KCNN2: variants seen among roughly 807,000 people sequenced by gnomAD.
KCNN2 encodes small conductance calcium-activated potassium channel protein 2.
A neutral mutation model predicts 55.5 loss-of-function variants in KCNN2; 24 were observed. The observed-to-expected ratio is 0.43, with a 90% CI of 0.31 to 0.61. The LOEUF (loss-of-function observed/expected upper bound fraction) is 0.61, where lower values mean the gene tolerates loss of function less well. KCNN2 is among the 20% of genes least tolerant of loss of function. The pLI, the probability that KCNN2 is intolerant of heterozygous loss-of-function variation, is 0.08. For missense variants in KCNN2, 754 were observed against 853.6 expected (o/e 0.88, Z 1.45); for synonymous variants, 431 against 336.1 (o/e 1.28, Z -3.09).
intron 2 of KCNN2, among the ~76,000 whole-genome samples, chr5:114,339,613 G>A (rs931816096): frequency 4.6e-5 from 7 of 151,804 alleles, no homozygotes; most frequent in African/African-American, 1.5e-4. Flanking sequence ...GACCACCTTG[G>A]GCAACATGGA....
At chr5:114,469,283 CTT>C (rs1254419521) in intron 4 of KCNN2, among the ~76,000 whole-genome samples, 1 of 152,172 alleles carries the variant, frequency 6.6e-6, no homozygotes, top group African/African-American at 2.4e-5. Context: ...CTTTTTCTCT[CTT>C]TCACCATCTT....
intron 5 of KCNN2, among the ~76,000 whole-genome samples, chr5:114,484,186 A>ACAC (rs1207318864): frequency 6.6e-6 from 1 of 152,148 alleles, no homozygotes; most frequent in Non-Finnish European, 1.5e-5. Flanking sequence ...GTAGAGAGAC[A>ACAC]CAAAGATTAG....
At chr5:114,185,845 G>T (rs1439323746) in intron 1 of KCNN2, among the ~76,000 whole-genome samples, 1 of 152,152 alleles carries the variant, frequency 6.6e-6, no homozygotes, top group African/African-American at 2.4e-5. Flanking sequence ...CTCATCAGCT[G>T]GTTTGGTTAA....
At chr5:114,434,285 C>A (rs187660927) in intron 3 of KCNN2, among the ~76,000 whole-genome samples, 173 of 151,896 alleles carry the variant, frequency 1.1e-3, no homozygotes, top group Middle Eastern at 3.4e-3. Context: ...TCAAGACATT[C>A]TTTATTTTTG....
At chr5:114,476,351 G>T (rs1003212688) in intron 5 of KCNN2, among the ~76,000 whole-genome samples, 1 of 151,756 alleles carries the variant, frequency 6.6e-6, no homozygotes, top group Non-Finnish European at 1.5e-5. Flanking sequence ...CTACTTTGCA[G>T]TATTTCTTGA....
Position 114,362,901 on chromosome 5 carries a change from A to C in KCNN2, c.762A>C (p.Gly254=), listed in dbSNP as rs1757480250. The C allele has an allele frequency of 6.3e-7, 1 of 1,593,830 alleles. No individual in the cohort carries two copies. The highest frequency in any genetic ancestry group is 8.5e-7 in the Non-Finnish European group (1 of 1,177,490). ...TGCAGCCCCCCGCGTCTGTCGGAGG[A>C]GGTGGCGGCGCGTCCTCCCCGTCTG... ...QPLQPPASVG[G]GGGASSPSAA... is the part of the protein sequence containing the mutation. Residue 254 remains glycine (G), a synonymous_variant, in exon 1 of 8, where the codon GGA becomes GGC. Transcript: ENST00000673685.
At chr5:114,291,776 A>G (rs973134111) in intron 2 of KCNN2, among the ~76,000 whole-genome samples, 8 of 152,240 alleles carry the variant, frequency 5.3e-5, no homozygotes, top group African/African-American at 1.9e-4. Flanking sequence ...ACCGACTTCC[A>G]TAATGGTTGA....
chr5:114,141,995 A>G (rs1752291152), intron 1 of KCNN2, among the ~76,000 whole-genome samples: 1 of 151,676 alleles, frequency 6.6e-6, no homozygotes, highest in Admixed American at 6.6e-5. Context: ...TTTTTCTTGT[A>G]AGTTTGTTTG....
rs1331603371 is a variant in KCNN2, at chr5:114,163,309, C to T, written c.-270-58171C>T. Among the ~76,000 whole-genome samples, 9 of 152,172 alleles carry T rather than the reference C, an allele frequency of 5.9e-5. No individual in the cohort carries two copies. In the East Asian group the frequency reaches 7.8e-4, roughly 13 times the overall value. Reference sequence around the variant, plus strand: ...ATTTCTCTTGCCTGATTGCCCTGGCCGGAACTTCCAATACTATGTTGAATA... The same window carrying T: ...ATTTCTCTTGCCTGATTGCCCTGGCTGGAACTTCCAATACTATGTTGAATA... On this transcript the variant is annotated intron_variant, in intron 1 of 10. Transcript: ENST00000512097.
At chr5:114,419,044 G>A (rs13181189) in intron 3 of KCNN2, among the ~76,000 whole-genome samples, 32,826 of 152,202 alleles carry the variant, frequency 0.22, 4,104 homozygotes, top group Non-Finnish European at 0.28. Flanking sequence ...TCCAGTTTTA[G>A]TTTGTATTAG....
intron 1 of KCNN2, among the ~76,000 whole-genome samples, chr5:114,212,826 C>A (rs988692487): frequency 4.6e-5 from 7 of 152,000 alleles, no homozygotes; most frequent in African/African-American, 1.4e-4. Flanking sequence ...TAGGTCTTGT[C>A]TTGGCCTAAT....
chr5:114,228,167 C>G (rs371109801), intron 2 of KCNN2, among the ~76,000 whole-genome samples: 3 of 152,040 alleles, frequency 2.0e-5, no homozygotes, highest in African/African-American at 7.2e-5. Flanking sequence ...AAATTTCAGT[C>G]TTGAGATGTC....
intron 2 of KCNN2, among the ~76,000 whole-genome samples, chr5:114,372,454 T>C (rs1757790152): frequency 6.6e-6 from 1 of 152,196 alleles, no homozygotes; most frequent in African/African-American, 2.4e-5. Flanking sequence ...CCACATTTTC[T>C]GTGTTTACTG....
chr5:114,108,887 G>A (rs1751539745), intron 1 of KCNN2, among the ~76,000 whole-genome samples: 1 of 152,072 alleles, frequency 6.6e-6, no homozygotes, highest in African/African-American at 2.4e-5. Flanking sequence ...GTAAACAGAA[G>A]TGGAACCATT....
In KCNN2 at chr5:114,246,345, T is replaced by C. The variant is rs140751859; in HGVS notation, c.-185+24780T>C. Among the ~76,000 whole-genome samples the C allele has an allele frequency of 5.7e-4, 87 of 152,338 alleles. 1 individual carries two copies. The highest frequency in any genetic ancestry group is 4.6e-3 in the Admixed American group (70 of 15,304). On this transcript the variant is annotated intron_variant, in intron 2 of 10. Transcript: ENST00000512097. Reference sequence around the variant, plus strand: ...GCGATGCTCTAGGCAGCAAGAGCAGTCTTCACTTTTATGTAGAGAAACCAT... The same window carrying C: ...GCGATGCTCTAGGCAGCAAGAGCAGCCTTCACTTTTATGTAGAGAAACCAT...
At position 114,367,604 on chromosome 5, in the gene KCNN2, C is replaced by G. The variant is rs142819696; in HGVS notation, c.1218+3603C>G. Among the ~76,000 whole-genome samples the G allele has an allele frequency of 2.7e-4, 41 of 151,774 alleles. 1 individual carries two copies. Among genetic ancestry groups the G allele is most frequent in the African/African-American group, 9.7e-4 (40 of 41,436 alleles). On this transcript the variant is annotated intron_variant, in intron 2 of 7. Coordinates refer to ENST00000673685, the MANE Select transcript of KCNN2 (RefSeq NM_021614.4). ...AGTAAGTAGCCTTCCTACCTCAAGTCTCAAGGTCAAATTATAGGTAAAACA... is the reference window on the plus strand; with the variant it reads ...AGTAAGTAGCCTTCCTACCTCAAGTGTCAAGGTCAAATTATAGGTAAAACA...
rs943530807 is a variant in KCNN2 at position 114,443,320 on chromosome 5, A to C, written c.1638-19729A>C. The stretch of plus-strand genomic sequence containing the variant: ...AAAGAAACAAAGAAAAAAGAAAAAA[A>C]AAAAAGAGGCTTAAGAACATGGGGG... On this transcript the variant is annotated intron_variant, in intron 3 of 7. Transcript: ENST00000673685. Among the ~76,000 whole-genome samples the C allele has an allele frequency of 7.2e-5, 11 of 152,084 alleles. 1 individual carries two copies. The highest frequency in any genetic ancestry group is 7.2e-4 in the Admixed American group (11 of 15,268).
intron 2 of KCNN2, among the ~76,000 whole-genome samples, chr5:114,285,811 A>C (rs1470843559): frequency 1.3e-5 from 2 of 152,080 alleles, no homozygotes; most frequent in African/African-American, 2.4e-5. Context: ...ATAACTCAAT[A>C]TTCTCCTTGA....
intron 3 of KCNN2, among the ~76,000 whole-genome samples, chr5:114,424,191 G>A (rs1759550867): frequency 6.6e-6 from 1 of 151,972 alleles, no homozygotes; most frequent in Admixed American, 6.6e-5. Flanking sequence ...TGTATTACTT[G>A]CCCTGAATAA....
Sources: gnomAD v4.1 joint callset for allele counts (sites outside exome capture counted in the v4.1 genomes callset) on GRCh38, gnomAD v4.1.1 for gene constraint, MANE v1.5 for transcripts, NCBI Gene and HGNC (gene_info 2026-07-23, HGNC 2026-07-21) for gene names.